ALDH2: variants seen among roughly 807,000 people sequenced by gnomAD.
ALDH2 encodes the protein aldehyde dehydrogenase 2 family member, also known as aldehyde dehydrogenase, mitochondrial.
ALDH2 carries 44 observed loss-of-function variants against 59.6 expected under a neutral mutation model. The ratio of observed to expected loss-of-function variants is 0.74; its 90% CI spans 0.58 to 0.95. The LOEUF (loss-of-function observed/expected upper bound fraction) is 0.95. Ranked by LOEUF, ALDH2 falls within the 40% of genes least tolerant of loss-of-function variation. The pLI is 0.00. For missense variants in ALDH2, 570 were observed against 696.3 expected (o/e 0.82, Z 2.04); for synonymous variants, 291 against 284.0 (o/e 1.02, Z -0.25).
intron 1 of ALDH2, among the ~76,000 whole-genome samples, chr12:111,774,139 T>A (rs915447036): frequency 1.3e-5 from 2 of 151,954 alleles, no homozygotes; most frequent in Admixed American, 6.6e-5. Flanking sequence ...CTCCCATCTT[T>A]GAAGTGGTGA....
intron 4 of ALDH2, 150 bp downstream of exon 4, chr12:111,785,496 G>A (rs990162558): frequency 1.5e-6 from 1 of 675,830 alleles, no homozygotes; most frequent in African/African-American, 1.8e-5. Context: ...GGCTGAGCCA[G>A]GTGGATTACG....
intron 9 of ALDH2, among the ~76,000 whole-genome samples, chr12:111,794,366 C>T (rs569642618): frequency 2.6e-5 from 4 of 152,098 alleles, no homozygotes; most frequent in East Asian, 3.9e-4. Flanking sequence ...TTGTCTTATA[C>T]GAATCATACA....
rs1340214332 is a variant in ALDH2 at position 111,798,204 on chromosome 12, G to A, written c.1210G>A (p.Gly404Arg). Reference protein sequence around the residue: ...RGYFIQPTVFGDVQDGMTIAK... With the variant: ...RGYFIQPTVFRDVQDGMTIAK... ...TTACTTCATCCAGCCCACTGTGTTT[G>A]GAGATGTGCAGGATGGCATGACCAT... Residue 404 changes from glycine (G) to arginine (R), a missense_variant, in exon 10 of 13, where the codon GGA (glycine) becomes AGA (arginine). Transcript: ENST00000261733. 1.9e-6 allele frequency: 3 copies of A among 1,595,016 alleles called. No homozygotes were observed. The highest frequency in any genetic ancestry group is 1.1e-5 in the South Asian group (1 of 87,248).
In ALDH2 at chr12:111,783,221, C is replaced by T. The variant is rs140919090; in HGVS notation, c.283C>T (p.Arg95Cys). The T allele has an allele frequency of 1.1e-5, 17 of 1,613,372 alleles. No individual in the cohort carries two copies. The African/African-American group carries it at 1.2e-4, about 11-fold the overall frequency. The change falls in exon 3 of 13, where the codon CGC (arginine) becomes TGC (cysteine). Residue 95 changes from arginine (R) to cysteine (C), a missense_variant. Arg to Cys is a radical substitution (Grantham distance 180, BLOSUM62 -3). Transcript: ENST00000261733. ...AAFQLGSPWR[R>C]MDASHRGRLL... ...CTTCCAGCTGGGCTCACCTTGGCGC[C>T]GCATGGACGCATCACACAGGGGCCG...
intron 12 of ALDH2, among the ~76,000 whole-genome samples, chr12:111,807,472 T>G (rs2068506091): frequency 6.6e-6 from 1 of 152,150 alleles, no homozygotes; most frequent in African/African-American, 2.4e-5. Context: ...TGCTGGGCTT[T>G]GAGTTATGAC....
In ALDH2 at chr12:111,791,988, T is replaced by C. The variant is rs1345852938; in HGVS notation, c.796-73T>C. ...CTCACTCAAGCTGTGGGGGACTCTG[T>C]TCTGTGTCTATAGAGTGCTGGACTC... On this transcript the variant is annotated intron_variant, in intron 7 of 12. Transcript: ENST00000261733. The C allele has an allele frequency of 3.2e-6, 3 of 933,300 alleles. No individual in the cohort carries two copies. In the African/African-American group the frequency reaches 4.9e-5, roughly 15 times the overall value. 57.8% of individuals were successfully genotyped at this position (933,300 alleles called of 1,614,324 possible).
rs184230510 is a variant in ALDH2, at chr12:111,810,915, T to C, written c.*1340T>C. The C allele has an allele frequency of 6.6e-6, 1 of 152,150 alleles. No individual in the cohort carries two copies. The highest frequency in any genetic ancestry group is 1.9e-4 in the East Asian group (1 of 5,178). 9.4% of individuals were successfully genotyped at this position (152,150 alleles called of 1,614,324 possible). A position where few individuals can be genotyped will look rare whatever the true frequency, so the allele number is the denominator to read the frequency against. On this transcript the variant is annotated 3_prime_UTR_variant, in exon 13 of 13. Coordinates refer to ENST00000261733, the MANE Select transcript of ALDH2 (RefSeq NM_000690.4). ...TTGATCAGGCCAAATGAAAGTGACA[T>C]GGGCCAATTTCATAATAGATTGATT...
intron 12 of ALDH2, among the ~76,000 whole-genome samples, chr12:111,807,196 G>A (rs1247525949): frequency 6.6e-6 from 1 of 152,076 alleles, no homozygotes; most frequent in Non-Finnish European, 1.5e-5. Flanking sequence ...TCGGGAGGCG[G>A]AGCTTGCAGT....
chr12:111,809,369 C>A (rs1317691442), intron 12 of ALDH2, among the ~76,000 whole-genome samples, 174 bp from the exon 13 acceptor site: 4 of 152,022 alleles, frequency 2.6e-5, no homozygotes, highest in Admixed American at 6.6e-5. Flanking sequence ...GTGGGAGGAT[C>A]GCTTGAGCCA....
chr12:111,782,604 G>T (rs2068280120), intron 2 of ALDH2, among the ~76,000 whole-genome samples: 1 of 152,096 alleles, frequency 6.6e-6, no homozygotes, highest in South Asian at 2.1e-4. Flanking sequence ...GAAAATACAG[G>T]CCAGGCGCAG....
At chr12:111,788,828 C>G (rs887066797) in intron 4 of ALDH2, among the ~76,000 whole-genome samples, 2 of 151,850 alleles carry the variant, frequency 1.3e-5, no homozygotes, top group African/African-American at 4.8e-5. Flanking sequence ...ATAGGGAGAC[C>G]CACATCTCTA....
At chr12:111,777,849 G>A (rs2068244287) in intron 1 of ALDH2, among the ~76,000 whole-genome samples, 1 of 152,144 alleles carries the variant, frequency 6.6e-6, no homozygotes, top group African/African-American at 2.4e-5. Context: ...AAAGAAGGGT[G>A]CCATTTCCCT....
At position 111,790,021 on chromosome 12, in the gene ALDH2, CG is replaced by C; in HGVS notation, c.552+89del. 7.7e-6 allele frequency: 10 copies of C among 1,296,272 alleles called. No homozygotes were observed. In the South Asian group the frequency reaches 1.1e-4, roughly 15 times the overall value. 80.3% of individuals were successfully genotyped at this position (1,296,272 alleles called of 1,614,324 possible). A position where few individuals can be genotyped will look rare whatever the true frequency, so the allele number is the denominator to read the frequency against. On this transcript the variant is annotated intron_variant, in intron 5 of 12. Coordinates refer to ENST00000261733, the MANE Select transcript of ALDH2 (RefSeq NM_000690.4). ...CATTGCAGAGGTTCTGGGGTGGTGT[CG>C]GAAGGCAGCCTGGGTGGCAGGTAAG... is the stretch of plus-strand genomic sequence containing the variant.
intron 8 of ALDH2, among the ~76,000 whole-genome samples, 190 bp from the exon 9 acceptor site, chr12:111,792,408 G>C (rs769224658): frequency 1.3e-4 from 20 of 152,230 alleles, no homozygotes; most frequent in Admixed American, 9.8e-4. Context: ...TCCACTTGCC[G>C]CCATCACGCC....
chr12:111,780,824 G>A (rs1003760204), intron 1 of ALDH2, among the ~76,000 whole-genome samples: 1 of 152,166 alleles, frequency 6.6e-6, no homozygotes. Flanking sequence ...TGCTGAGTGA[G>A]TGAAGTAATA....
chr12:111,790,023 G>C, intron 5 of ALDH2, 89 bp downstream of exon 5: 1 of 1,284,098 alleles, frequency 7.8e-7, no homozygotes. Context: ...GGTGGTGTCG[G>C]AAGGCAGCCT....
rs2068574737 is a variant in ALDH2, at chr12:111,817,258, C to T, written c.*7683C>T. ...ATAGCAAAAATTATCATGCCTAAGG[C>T]TCTATGGGCACAATGAGTAAGTTGA... On this transcript the variant is annotated 3_prime_UTR_variant, in exon 13 of 13. Transcript: ENST00000261733. The T allele has an allele frequency of 2.0e-5, 3 of 152,268 alleles. No homozygotes were observed. The South Asian group carries it at 6.2e-4, about 32-fold the overall frequency. 9.4% of individuals were successfully genotyped at this position (152,268 alleles called of 1,614,324 possible).
rs183090649 is a variant in ALDH2 at position 111,805,536 on chromosome 12, G to C, written c.1521+1563G>C. 2.0e-5 allele frequency among the ~76,000 whole-genome samples: 3 copies of C among 152,178 alleles called. No individual in the cohort carries two copies. In the East Asian group the frequency reaches 5.8e-4, roughly 29 times the overall value. ...GATGGGGTCTCACTATGTTACCCAG[G>C]CTGGTCTCAATCTCCTGGGCTCAAG... On this transcript the variant is annotated intron_variant, in intron 12 of 12. Transcript: ENST00000261733.
intron 1 of ALDH2, among the ~76,000 whole-genome samples, chr12:111,774,790 T>C (rs529597379): frequency 6.6e-6 from 1 of 152,262 alleles, no homozygotes; most frequent in Admixed American, 6.5e-5. Flanking sequence ...CCAGTTGTCC[T>C]GCTCTGGGCA....
Sources: allele counts gnomAD v4.1 joint callset (sites outside exome capture counted in the v4.1 genomes callset), GRCh38; gene constraint gnomAD v4.1.1; transcripts MANE v1.5; gene names NCBI Gene and HGNC (gene_info 2026-07-23, HGNC 2026-07-21).